The following AFG1L variants were observed in gnomAD, a reference collection of about 807,000 sequenced individuals.
AFG1L encodes AFG1 like ATPase.
A neutral mutation model predicts 62.2 loss-of-function variants in AFG1L; 53 were observed. The ratio of observed to expected loss-of-function variants is 0.85; its 90% confidence interval spans 0.68 to 1.07. The LOEUF (loss-of-function observed/expected upper bound fraction) is 1.07, where lower values mean the gene tolerates loss of function less well. AFG1L is among the 50% of genes least tolerant of loss of function. The pLI is 0.00. For synonymous variants in AFG1L, 228 were observed against 210.3 expected, an observed-to-expected ratio of 1.08 and a Z score of -0.73; for missense variants, 555 against 590.5, an observed-to-expected ratio of 0.94 and a Z score of 0.62.
intron 3 of AFG1L, 73 bp downstream of exon 3, chr6:108,347,112 A>G (rs1368575395): frequency 2.4e-6 from 3 of 1,236,318 alleles, no homozygotes; most frequent in Non-Finnish European, 3.6e-6. Flanking sequence ...GATGATTTCT[A>G]TTTCTATCCC....
chr6:108,380,199 G>A (rs536346966), intron 6 of AFG1L, among the ~76,000 whole-genome samples: 34 of 152,240 alleles, frequency 2.2e-4, no homozygotes, highest in African/African-American at 6.5e-4. Context: ...TGCTGAACCC[G>A]GCAAACAGGT....
chr6:108,478,072 G>C (rs1582642235), intron 10 of AFG1L, among the ~76,000 whole-genome samples: 1 of 152,320 alleles, frequency 6.6e-6, no homozygotes, highest in East Asian at 1.9e-4. Context: ...GGTAACTAAA[G>C]AACAGTTGCT....
At chr6:108,333,730 A>G (rs1778366016) in intron 2 of AFG1L, among the ~76,000 whole-genome samples, 2 of 152,222 alleles carry the variant, frequency 1.3e-5, no homozygotes, top group African/African-American at 2.4e-5. Context: ...ATCAGAATGT[A>G]TTTATAAAAT....
intron 7 of AFG1L, among the ~76,000 whole-genome samples, chr6:108,421,745 A>C (rs1229596565): frequency 1.3e-5 from 2 of 152,134 alleles, no homozygotes; most frequent in Admixed American, 1.3e-4. Context: ...AGAGGAAGCC[A>C]TCTTTAGCTT....
At chr6:108,399,869 C>A (rs1269153978) in intron 6 of AFG1L, among the ~76,000 whole-genome samples, 2 of 148,772 alleles carry the variant, frequency 1.3e-5, no homozygotes, top group Non-Finnish European at 3.0e-5. Context: ...GCCTCTGCCT[C>A]CCAGGCTCAA....
At position 108,525,598 on chromosome 6, in the gene AFG1L, C is replaced by G. The variant is rs1775292114; in HGVS notation, c.*3173C>G. On this transcript the variant is annotated 3_prime_UTR_variant, in exon 13 of 13. Coordinates refer to ENST00000368977, the MANE Select transcript of AFG1L (RefSeq NM_145315.5). ...TTATTTAAGAAACACATGATGTTTTCTGTGTCCTGGGCATGGTTCTATGTG... is the reference window on the plus strand; with the variant it reads ...TTATTTAAGAAACACATGATGTTTTGTGTGTCCTGGGCATGGTTCTATGTG... 1 of 152,220 alleles carries G rather than the reference C, an allele frequency of 6.6e-6. No homozygotes were observed. The highest frequency in any genetic ancestry group is 1.9e-4 in the East Asian group (1 of 5,186). 9.4% of individuals were successfully genotyped at this position (152,220 alleles called of 1,614,324 possible). A position where few individuals can be genotyped will look rare whatever the true frequency, so the allele number is the denominator to read the frequency against.
At chr6:108,447,072 G>A in intron 7 of AFG1L, 142 bp from the exon 8 acceptor site, 2 of 419,524 alleles carry the variant, frequency 4.8e-6, no homozygotes, top group Non-Finnish European at 4.3e-6. Flanking sequence ...TCTTGCATGA[G>A]TTCTGTTGTT....
chr6:108,401,550 G>T (rs966556689), intron 6 of AFG1L, among the ~76,000 whole-genome samples: 4 of 152,086 alleles, frequency 2.6e-5, no homozygotes, highest in Admixed American at 6.6e-5. Flanking sequence ...AAAGTGCTAG[G>T]ATTACAGGCA....
chr6:108,519,573 G>A (rs557582921), intron 11 of AFG1L, 124 bp from the exon 12 acceptor site: 14 of 596,558 alleles, frequency 2.3e-5, no homozygotes, highest in African/African-American at 1.3e-4. Flanking sequence ...AAAAATGGAC[G>A]TCTTAAAAGC....
At chr6:108,341,201 A>G (rs2114392019) in intron 2 of AFG1L, among the ~76,000 whole-genome samples, 1 of 152,168 alleles carries the variant, frequency 6.6e-6, no homozygotes, top group East Asian at 1.9e-4. Context: ...AATTATGGTT[A>G]GAGTACATTT....
chr6:108,366,197 G>A (rs1439012854), intron 5 of AFG1L, 36 bp from the exon 6 acceptor site: 21 of 1,332,270 alleles, frequency 1.6e-5, no homozygotes, highest in Non-Finnish European at 2.1e-5. Flanking sequence ...CAGCAGAAGT[G>A]AAATTAAAAT....
chr6:108,418,077 C>G (rs1164600873), intron 7 of AFG1L, among the ~76,000 whole-genome samples: 2 of 152,100 alleles, frequency 1.3e-5, no homozygotes, highest in East Asian at 3.8e-4. Flanking sequence ...CAAGATCCAC[C>G]TGCCTCGGCC....
At chr6:108,297,351 G>A (rs969443220) in intron 1 of AFG1L, among the ~76,000 whole-genome samples, 3 of 151,938 alleles carry the variant, frequency 2.0e-5, no homozygotes, top group African/African-American at 7.2e-5. Context: ...CAGGTGATCC[G>A]GAGCCTCGGC....
At chr6:108,502,870 A>G (rs1481567961) in intron 10 of AFG1L, among the ~76,000 whole-genome samples, 2 of 152,198 alleles carry the variant, frequency 1.3e-5, no homozygotes, top group African/African-American at 2.4e-5. Context: ...TTTAACAACT[A>G]AGTTTATGTA....
At chr6:108,303,700 T>A (rs1777095594) in intron 1 of AFG1L, among the ~76,000 whole-genome samples, 1 of 152,234 alleles carries the variant, frequency 6.6e-6, no homozygotes, top group Non-Finnish European at 1.5e-5. Flanking sequence ...GAGCATGTAA[T>A]TCTTTATAGT....
chr6:108,327,000 A>G (rs1191266064), intron 2 of AFG1L, among the ~76,000 whole-genome samples: 3 of 152,076 alleles, frequency 2.0e-5, no homozygotes, highest in Non-Finnish European at 4.4e-5. Flanking sequence ...TAATCCTAGC[A>G]CTTTGGGAGG....
chr6:108,313,523 T>C (rs1257705393), intron 1 of AFG1L, among the ~76,000 whole-genome samples: 4 of 152,084 alleles, frequency 2.6e-5, no homozygotes, highest in African/African-American at 4.8e-5. Flanking sequence ...ATCATAGACA[T>C]TGCTTTCTCT....
intron 7 of AFG1L, among the ~76,000 whole-genome samples, chr6:108,441,712 A>AAT (rs1554198358): frequency 0.014 from 1,959 of 139,464 alleles, 32 homozygotes; most frequent in Middle Eastern, 0.045. Context: ...AAAAAAAAAA[A>AAT]ATATATATAT....
chr6:108,324,725 T>A (rs1420411890), intron 2 of AFG1L, among the ~76,000 whole-genome samples: 4 of 150,622 alleles, frequency 2.7e-5, no homozygotes, highest in Non-Finnish European at 5.9e-5. Flanking sequence ...AGAGTCTCGC[T>A]CTGTCACTTG....
Sources: allele counts gnomAD v4.1 joint callset (sites outside exome capture counted in the v4.1 genomes callset), GRCh38; gene constraint gnomAD v4.1.1; transcripts MANE v1.5; gene names NCBI Gene and HGNC (gene_info 2026-07-23, HGNC 2026-07-21).